The following STK39 variants were observed in gnomAD, a reference collection of about 807,000 sequenced individuals.
STK39 encodes the protein serine/threonine kinase 39, also known as STE20/SPS1-related proline-alanine-rich protein kinase.
STK39 carries 20 observed loss-of-function variants against 77.8 expected under a neutral mutation model. The observed-to-expected ratio is 0.26, with a 90% CI of 0.18 to 0.37. The LOEUF is 0.37. Among genes scored for constraint, STK39 ranks in the 10% least tolerant of loss-of-function variants. STK39 has a pLI of 1.00. For synonymous variants in STK39, 246 were observed against 234.1 expected (o/e 1.05, Z -0.47); for missense variants, 479 against 656.5 (o/e 0.73, Z 2.95).
rs1690967578 is a variant in STK39, at chr2:168,247,513, G to A, written c.-78C>T. On this transcript the variant is annotated 5_prime_UTR_variant, in exon 1 of 18. Transcript: ENST00000355999. The stretch of plus-strand genomic sequence containing the variant: ...TTGAAACTTCCTTTGCCTCGCCGCC[G>A]ACACCTCTCGGCCGGCGCACGCCCT... 5.5e-6 allele frequency: 6 copies of A among 1,086,954 alleles called. No individual in the cohort carries two copies. The highest frequency in any genetic ancestry group is 4.3e-4 in the Middle Eastern group (1 of 2,346). 67.3% of individuals were successfully genotyped at this position (1,086,954 alleles called of 1,614,324 possible).
At chr2:167,965,187 CCT>C (rs1484097105) in intron 16 of STK39, among the ~76,000 whole-genome samples, 2 of 152,032 alleles carry the variant, frequency 1.3e-5, no homozygotes, top group Non-Finnish European at 2.9e-5. Context: ...CATTTGAACC[CCT>C]GTCCTATAAA....
Position 168,223,212 on chromosome 2 carries a change from T to C in STK39, c.208+24016A>G, listed in dbSNP as rs143445607. 4.6e-4 allele frequency among the ~76,000 whole-genome samples: 70 copies of C among 152,260 alleles called. 2 individuals are homozygous for C. In the East Asian group the frequency reaches 0.01, roughly 22 times the overall value. ...ACTTTAAAAATAGGGACCTTTCTTC[T>C]AGAAATTCACTTCTTGGCCAGGCGC... is the stretch of plus-strand genomic sequence containing the variant. On this transcript the variant is annotated intron_variant, in intron 1 of 17. Transcript: ENST00000355999.
chr2:168,215,385 C>T (rs533144109), intron 1 of STK39, among the ~76,000 whole-genome samples: 6 of 152,284 alleles, frequency 3.9e-5, no homozygotes, highest in African/African-American at 1.4e-4. Flanking sequence ...CCGTAAGCCC[C>T]GTGACCACCT....
At position 168,063,585 on chromosome 2, in the gene STK39, CA is replaced by C. The variant is rs1685718834; in HGVS notation, c.1306-16del. Reference sequence around the variant, plus strand: ...TTGGGTGGGCCCTTTAAAAAGAAAACAGCAAACAGTGTTATAAACTGTATCA... The same window carrying C: ...TTGGGTGGGCCCTTTAAAAAGAAAACGCAAACAGTGTTATAAACTGTATCA... On this transcript the variant is annotated splice_polypyrimidine_tract_variant and intron_variant, in intron 13 of 17. Transcript: ENST00000355999. 6.2e-7 allele frequency: 1 copy of C among 1,605,166 alleles called. No individual in the cohort carries two copies. Among genetic ancestry groups the C allele is most frequent in the East Asian group, 2.2e-5 (1 of 44,758 alleles).
chr2:168,111,666 C>G (rs1164197970), intron 10 of STK39, among the ~76,000 whole-genome samples: 1 of 152,182 alleles, frequency 6.6e-6, no homozygotes, highest in Admixed American at 6.5e-5. Context: ...TAGTCTAAAA[C>G]AAGCAAAATT....
intron 16 of STK39, among the ~76,000 whole-genome samples, chr2:168,002,610 G>A (rs981628567): frequency 6.6e-6 from 1 of 152,020 alleles, no homozygotes; most frequent in Non-Finnish European, 1.5e-5. Context: ...TCTTTCCTCC[G>A]CTTAATTCCT....
chr2:168,014,666 A>C (rs1018780893), intron 15 of STK39, among the ~76,000 whole-genome samples: 7 of 152,126 alleles, frequency 4.6e-5, no homozygotes, highest in African/African-American at 7.2e-5. Context: ...TAGGGAAATA[A>C]GTGAACTGAA....
intron 17 of STK39, among the ~76,000 whole-genome samples, chr2:167,960,605 T>C (rs1176786439): frequency 6.6e-6 from 1 of 152,094 alleles, no homozygotes; most frequent in Non-Finnish European, 1.5e-5. Context: ...TCAGGGTGTA[T>C]TCTGATTCCT....
At chr2:168,004,251 C>T (rs1396129962) in intron 16 of STK39, among the ~76,000 whole-genome samples, 1 of 151,044 alleles carries the variant, frequency 6.6e-6, no homozygotes, top group Non-Finnish European at 1.5e-5. Context: ...ATATATGTGG[C>T]ATCTACACCA....
intron 5 of STK39, among the ~76,000 whole-genome samples, chr2:168,143,737 G>C (rs1292501474): frequency 1.3e-5 from 2 of 151,714 alleles, no homozygotes; most frequent in African/African-American, 4.8e-5. Context: ...GTCTTTCAAG[G>C]CTCCCTGTCC....
chr2:168,140,595 G>T, intron 6 of STK39, 54 bp downstream of exon 6: 1 of 1,386,332 alleles, frequency 7.2e-7, no homozygotes, highest in Non-Finnish European at 1.0e-6. Context: ...GCATATTAAT[G>T]ATCTGTACGA....
chr2:168,131,092 T>C (rs1033968929), intron 8 of STK39, among the ~76,000 whole-genome samples: 2 of 152,216 alleles, frequency 1.3e-5, no homozygotes, highest in Non-Finnish European at 2.9e-5. Flanking sequence ...ATTACTGTAG[T>C]TGTGTAGGAA....
intron 2 of STK39, among the ~76,000 whole-genome samples, chr2:168,171,781 C>T (rs950107172): frequency 6.6e-6 from 1 of 152,104 alleles, no homozygotes; most frequent in Non-Finnish European, 1.5e-5. Context: ...AGCCACTGTA[C>T]CCTGCCATAA....
chr2:168,161,927 C>A, intron 4 of STK39, 85 bp from the exon 5 acceptor site: 1 of 902,536 alleles, frequency 1.1e-6, no homozygotes, highest in Non-Finnish European at 1.7e-6. Flanking sequence ...TAAAACATAT[C>A]ATACAACGCA....
At chr2:168,177,362 G>A (rs920606835) in intron 2 of STK39, among the ~76,000 whole-genome samples, 9 of 152,118 alleles carry the variant, frequency 5.9e-5, no homozygotes, top group African/African-American at 2.2e-4. Context: ...GTGTAGGAAT[G>A]AGCAAATGAG....
intron 16 of STK39, among the ~76,000 whole-genome samples, chr2:167,983,475 TGAAAGGAAGGAAGGAA>T (rs1233789305): frequency 2.1e-5 from 1 of 47,842 alleles, no homozygotes; most frequent in Non-Finnish European, 3.8e-5. Context: ...AAAAAAGAAA[TGAAAGGAAGGAAGGAA>T]GGAAGGAAGG....
In STK39 at chr2:168,163,891, A is replaced by G; in HGVS notation, c.431-11T>C. 1 of 1,610,622 alleles carries G rather than the reference A, an allele frequency of 6.2e-7. No individual in the cohort carries two copies. Among genetic ancestry groups the G allele is most frequent in the Non-Finnish European group, 8.5e-7 (1 of 1,178,780 alleles). The stretch of plus-strand genomic sequence containing the variant: ...TATCCAACATTGAACCTAAGTAGAC[A>G]AACAGAAGAATTAAAACATAAGCAC... On this transcript the variant is annotated splice_polypyrimidine_tract_variant and intron_variant, in intron 3 of 17. Coordinates refer to ENST00000355999, the MANE Select transcript of STK39 (RefSeq NM_013233.3).
At chr2:167,962,883 T>C (rs1026933379) in intron 17 of STK39, among the ~76,000 whole-genome samples, 3 of 152,152 alleles carry the variant, frequency 2.0e-5, no homozygotes, top group Non-Finnish European at 4.4e-5. Flanking sequence ...TGTGTGATCC[T>C]GGGCAAATCC....
chr2:168,136,927 A>G (rs775309393), intron 8 of STK39, among the ~76,000 whole-genome samples: 7 of 152,248 alleles, frequency 4.6e-5, no homozygotes, highest in Non-Finnish European at 8.8e-5. Context: ...CCCTTTTACA[A>G]TAAATAATTC....
Sources: allele counts gnomAD v4.1 joint callset (sites outside exome capture counted in the v4.1 genomes callset), GRCh38; gene constraint gnomAD v4.1.1; transcripts MANE v1.5; gene names NCBI Gene and HGNC (gene_info 2026-07-23, HGNC 2026-07-21).